The following RTN1 variants were observed in gnomAD, a reference collection of about 807,000 sequenced individuals.
RTN1 encodes the protein reticulon 1, also known as reticulon-1.
A neutral mutation model predicts 65.5 loss-of-function variants in RTN1; 25 were observed. That is an observed-to-expected ratio of 0.38 (90% CI 0.28 to 0.53). The LOEUF is 0.53. Ranked by LOEUF, RTN1 falls within the 20% of genes least tolerant of loss-of-function variation. RTN1 has a pLI of 0.79. For missense variants in RTN1, 983 were observed against 1,025.4 expected, an observed-to-expected ratio of 0.96 and a Z score of 0.57; for synonymous variants, 471 against 447.6, an observed-to-expected ratio of 1.05 and a Z score of -0.66.
intron 3 of RTN1, among the ~76,000 whole-genome samples, chr14:59,674,371 T>G (rs569324154): frequency 1.3e-5 from 2 of 151,882 alleles, no homozygotes; most frequent in Non-Finnish European, 2.9e-5. Flanking sequence ...GCTGGAAAAA[T>G]AAAGATGAAT....
At chr14:59,733,609 C>T (rs74058772) in intron 2 of RTN1, among the ~76,000 whole-genome samples, 39 of 152,268 alleles carry the variant, frequency 2.6e-4, no homozygotes, top group African/African-American at 8.4e-4. Flanking sequence ...GAGGTGGTTC[C>T]TCACCACAAC....
chr14:59,821,232 T>C (rs1886938287), intron 1 of RTN1, among the ~76,000 whole-genome samples: 1 of 152,230 alleles, frequency 6.6e-6, no homozygotes, highest in African/African-American at 2.4e-5. Flanking sequence ...TTTACCTCCC[T>C]GGTTAGCTGT....
intron 3 of RTN1, among the ~76,000 whole-genome samples, chr14:59,611,291 A>C (rs1257366195): frequency 6.6e-6 from 1 of 152,188 alleles, no homozygotes; most frequent in Non-Finnish European, 1.5e-5. Flanking sequence ...AAGCCAGCCC[A>C]AGTGGCCTCC....
At chr14:59,760,242 A>C (rs562914240) in intron 1 of RTN1, among the ~76,000 whole-genome samples, 19 of 152,348 alleles carry the variant, frequency 1.2e-4, no homozygotes, top group African/African-American at 3.6e-4. Flanking sequence ...ATGTGTGTAT[A>C]GACTTATAGT....
rs1414125745 is a variant in RTN1, at chr14:59,745,990, C to T, written c.733G>A (p.Val245Met). ...GVREPDKPAP[V>M]EGKIIKDHLL... ...TGGTCCTTGATGATTTTTCCCTCCACAGGAGCTGGTTTGTCAGGTTCACGG... is the reference window on the plus strand; with the variant it reads ...TGGTCCTTGATGATTTTTCCCTCCATAGGAGCTGGTTTGTCAGGTTCACGG... Residue 245 changes from valine to methionine, a missense_variant, in exon 2 of 9, where the codon GTG (valine) becomes ATG (methionine). Physicochemically the swap from Val to Met is conservative, Grantham distance 21 (BLOSUM62 1). This residue lies in a region of RTN1 where 818 missense variants were observed against 801.8 expected (regional missense o/e 1.02). Coordinates refer to ENST00000267484, the MANE Select transcript of RTN1 (RefSeq NM_021136.3). 16 of 1,614,152 alleles carry T rather than the reference C, an allele frequency of 9.9e-6. No homozygotes were observed. Among genetic ancestry groups the T allele is most frequent in the Non-Finnish European group, 1.4e-5 (16 of 1,180,020 alleles).
At chr14:59,763,721 T>C (rs1566718831) in intron 1 of RTN1, among the ~76,000 whole-genome samples, 4 of 151,838 alleles carry the variant, frequency 2.6e-5, no homozygotes, top group South Asian at 2.1e-4. Flanking sequence ...TTAGTAGAGA[T>C]GGGGTTTCAC....
chr14:59,811,763 T>C (rs1005507353), intron 1 of RTN1, among the ~76,000 whole-genome samples: 9 of 152,226 alleles, frequency 5.9e-5, no homozygotes, highest in African/African-American at 1.7e-4. Context: ...TCTCCACTTA[T>C]GGTATTTGCT....
chr14:59,749,188 CTATATATATCTATATATA>C (rs1566711044), intron 1 of RTN1, among the ~76,000 whole-genome samples: 18 of 71,512 alleles, frequency 2.5e-4, no homozygotes, highest in African/African-American at 1.7e-3. Context: ...ATATATCTAT[CTATATATATCTATATATA>C]TATCTATATA....
intron 3 of RTN1, among the ~76,000 whole-genome samples, chr14:59,645,770 C>G (rs1188260777): frequency 6.6e-6 from 1 of 152,204 alleles, no homozygotes; most frequent in Non-Finnish European, 1.5e-5. Context: ...GGCAGAGTTA[C>G]CAGGCCCAGG....
At chr14:59,852,666 G>A (rs917142382) in intron 1 of RTN1, among the ~76,000 whole-genome samples, 1 of 152,138 alleles carries the variant, frequency 6.6e-6, no homozygotes, top group African/African-American at 2.4e-5. Flanking sequence ...TCTACTGGTA[G>A]AGCCATGACT....
intron 3 of RTN1, among the ~76,000 whole-genome samples, chr14:59,648,823 C>G (rs550633935): frequency 2.4e-4 from 37 of 152,266 alleles, no homozygotes; most frequent in African/African-American, 5.3e-4. Context: ...AAACCACAGC[C>G]AACATCATAC....
At chr14:59,750,211 TA>T (rs1566713335) in intron 1 of RTN1, among the ~76,000 whole-genome samples, 1 of 26,782 alleles carries the variant, frequency 3.7e-5, no homozygotes, top group African/African-American at 2.0e-4. Flanking sequence ...TAATATATAA[TA>T]TATATATTAT....
chr14:59,697,526 C>T (rs1249783170), intron 3 of RTN1, among the ~76,000 whole-genome samples: 1 of 152,092 alleles, frequency 6.6e-6, no homozygotes, highest in Non-Finnish European at 1.5e-5. Flanking sequence ...AGTAATCATA[C>T]TAAAGATAAT....
At chr14:59,697,320 C>G (rs920757709) in intron 3 of RTN1, among the ~76,000 whole-genome samples, 11 of 152,148 alleles carry the variant, frequency 7.2e-5, no homozygotes, top group Non-Finnish European at 1.5e-4. Context: ...TTCTGGATGT[C>G]TTTCTCCCAC....
At chr14:59,787,311 T>TA (rs1186054946) in intron 1 of RTN1, among the ~76,000 whole-genome samples, 1 of 152,126 alleles carries the variant, frequency 6.6e-6, no homozygotes, top group Non-Finnish European at 1.5e-5. Flanking sequence ...ACCTGCTTCT[T>TA]ACTAGATGTA....
intron 3 of RTN1, among the ~76,000 whole-genome samples, chr14:59,708,572 A>C (rs1237151776): frequency 6.6e-6 from 1 of 152,228 alleles, no homozygotes; most frequent in Non-Finnish European, 1.5e-5. Context: ...GTCAGGCTCA[A>C]TAATATTTAT....
At chr14:59,754,259 T>C (rs1885588373) in intron 1 of RTN1, among the ~76,000 whole-genome samples, 1 of 152,220 alleles carries the variant, frequency 6.6e-6, no homozygotes, top group Non-Finnish European at 1.5e-5. Context: ...GAAACACTCA[T>C]CATGAGGCAG....
intron 1 of RTN1, among the ~76,000 whole-genome samples, chr14:59,748,741 C>G (rs189137308): frequency 2.6e-5 from 4 of 151,794 alleles, no homozygotes; most frequent in African/African-American, 9.7e-5. Flanking sequence ...AAAACAGGGC[C>G]TGATGAATAG....
chr14:59,838,766 TAATACTAC>T (rs1398709039), intron 1 of RTN1, among the ~76,000 whole-genome samples: 1 of 152,130 alleles, frequency 6.6e-6, no homozygotes, highest in Non-Finnish European at 1.5e-5. Context: ...CCATAAGAGT[TAATACTAC>T]GTGAAAATTG....
Sources: gnomAD v4.1 joint callset for allele counts (sites outside exome capture counted in the v4.1 genomes callset) on GRCh38, gnomAD v4.1.1 for gene constraint, gnomAD v4.1.1 regional missense constraint, MANE v1.5 for transcripts, NCBI Gene and HGNC (gene_info 2026-07-23, HGNC 2026-07-21) for gene names.